EIF4H: variants seen among roughly 807,000 people sequenced by gnomAD.
The protein encoded by EIF4H is Williams-Beuren syndrome chromosome region 1.
A neutral mutation model predicts 30.6 loss-of-function variants in EIF4H; 8 were observed. The ratio of observed to expected loss-of-function variants is 0.26; its 90% CI spans 0.15 to 0.47. The LOEUF is 0.47. Ranked by LOEUF, EIF4H falls within the 20% of genes least tolerant of loss-of-function variation. The probability of loss-of-function intolerance (pLI) is 0.99; values close to 1 mark genes in which losing one functional copy is unlikely to be tolerated. For synonymous variants in EIF4H, 106 were observed against 122.7 expected, an observed-to-expected ratio of 0.86 and a Z score of 0.90; for missense variants, 188 against 339.5, an observed-to-expected ratio of 0.55 and a Z score of 3.51.
rs1554707335 is a variant in EIF4H at position 74,174,432 on chromosome 7, G to A, written c.49G>A (p.Gly17Ser). 9 of 1,444,406 alleles carry A rather than the reference G, an allele frequency of 6.2e-6. No individual in the cohort carries two copies. Among genetic ancestry groups the A allele is most frequent in the Non-Finnish European group, 8.3e-6 (9 of 1,084,152 alleles). 89.5% of individuals were successfully genotyped at this position (1,444,406 alleles called of 1,614,324 possible). Residue 17 changes from glycine (G) to serine (S), a missense_variant, in exon 1 of 7, where the codon GGC becomes AGC. Physicochemically the swap from Gly to Ser is moderately conservative, Grantham distance 56. Coordinates refer to ENST00000265753, the MANE Select transcript of EIF4H (RefSeq NM_022170.2). ...YDDRAYSSFG[G>S]GRGSRGSAGG... The stretch of plus-strand genomic sequence containing the variant: ...CGATCGGGCCTACAGCAGCTTCGGC[G>A]GCGGCAGAGGGTGAGGCGGGCGTGC...
intron 1 of EIF4H, among the ~76,000 whole-genome samples, chr7:74,183,044 G>C (rs544407031): frequency 6.6e-6 from 1 of 152,256 alleles, no homozygotes; most frequent in Admixed American, 6.5e-5. Context: ...GGCAGAAACC[G>C]AGTCTTAGGT....
chr7:74,188,333 G>A (rs1331266506), intron 2 of EIF4H, among the ~76,000 whole-genome samples: 2 of 152,218 alleles, frequency 1.3e-5, no homozygotes, highest in African/African-American at 4.8e-5. Context: ...CGGGAGCAAA[G>A]AGCAGGAAGA....
At chr7:74,184,388 C>T (rs965297700) in intron 1 of EIF4H, among the ~76,000 whole-genome samples, 4 of 152,154 alleles carry the variant, frequency 2.6e-5, no homozygotes, top group Non-Finnish European at 5.9e-5. Flanking sequence ...CATCAAACAC[C>T]CGAGAGTTTA....
At chr7:74,175,435 T>G (rs1800815577) in intron 1 of EIF4H, among the ~76,000 whole-genome samples, 1 of 152,198 alleles carries the variant, frequency 6.6e-6, no homozygotes, top group African/African-American at 2.4e-5. Context: ...TTCAGTCTCC[T>G]GGGTTGCAGT....
At chr7:74,193,303 T>G (rs1169956087) in intron 5 of EIF4H, among the ~76,000 whole-genome samples, 1 of 152,216 alleles carries the variant, frequency 6.6e-6, no homozygotes. Context: ...CATTATCGTT[T>G]TCTGCCTCAG....
intron 5 of EIF4H, among the ~76,000 whole-genome samples, chr7:74,193,119 G>A (rs1465047195): frequency 2.6e-5 from 4 of 152,114 alleles, no homozygotes; most frequent in African/African-American, 7.2e-5. Flanking sequence ...ATCCCACACC[G>A]GTTTTGTCTG....
At chr7:74,184,118 C>T (rs1801028984) in intron 1 of EIF4H, among the ~76,000 whole-genome samples, 1 of 152,158 alleles carries the variant, frequency 6.6e-6, no homozygotes, top group Admixed American at 6.6e-5. Context: ...CTGTTAGGTG[C>T]TGCCATTTGG....
chr7:74,184,030 GT>G, intron 1 of EIF4H: 1 of 152,338 alleles, frequency 6.6e-6, no homozygotes, highest in Non-Finnish European at 1.5e-5. Flanking sequence ...GCCACTGGTG[GT>G]TTTGTGAGGC....
chr7:74,189,701 G>A lies in EIF4H; in HGVS notation c.276G>A (p.Val92=). 1 of 1,614,116 alleles carries A rather than the reference G, an allele frequency of 6.2e-7. No homozygotes were observed. Among genetic ancestry groups the A allele is most frequent in the Non-Finnish European group, 8.5e-7 (1 of 1,180,032 alleles). ...TCTGCTATGTAGAATTCGATGAAGT[G>A]GATTCCCTTAAGGAAGCCTTGACAT... The part of the protein sequence containing the change: ...KGFCYVEFDE[V]DSLKEALTYD... Residue 92 remains valine, a synonymous_variant, in exon 3 of 7, where the codon GTG becomes GTA. Transcript: ENST00000265753.
intron 1 of EIF4H, among the ~76,000 whole-genome samples, chr7:74,180,312 C>G (rs1284267067): frequency 3.3e-5 from 5 of 152,218 alleles, no homozygotes; most frequent in African/African-American, 9.7e-5. Flanking sequence ...GAAAGAACAG[C>G]TAGTTCAGCT....
At chr7:74,183,508 G>A (rs782591502) in intron 1 of EIF4H, among the ~76,000 whole-genome samples, 10 of 152,216 alleles carry the variant, frequency 6.6e-5, no homozygotes, top group Non-Finnish European at 1.5e-4. Context: ...AGGTACAGAG[G>A]TAATTTGGCA....
chr7:74,179,598 C>T (rs868921088), intron 1 of EIF4H, among the ~76,000 whole-genome samples: 2 of 151,464 alleles, frequency 1.3e-5, no homozygotes, highest in Middle Eastern at 3.4e-3. Context: ...CGCCACTGCA[C>T]TCCCGCCTGG....
chr7:74,187,725 A>T lies in EIF4H; in HGVS notation c.174A>T (p.Ile58=). 2 of 1,614,050 alleles carry T rather than the reference A, an allele frequency of 1.2e-6. No individual in the cohort carries two copies. Among genetic ancestry groups the T allele is most frequent in the Non-Finnish European group, 1.7e-6 (2 of 1,179,920 alleles). ...NLPFNTVQGD[I]DAIFKDLSIR... is the part of the protein sequence containing the mutation. ...CTTTCAATACGGTTCAGGGCGACAT[A>T]GATGCTATCTTTAAGGATCTCAGCA... Residue 58 remains isoleucine (I), a synonymous_variant, in exon 2 of 7, where the codon ATA becomes ATT. Transcript: ENST00000265753.
intron 5 of EIF4H, among the ~76,000 whole-genome samples, chr7:74,193,841 A>G (rs1444319577): frequency 6.6e-6 from 1 of 152,018 alleles, no homozygotes; most frequent in African/African-American, 2.4e-5. Flanking sequence ...CTGAACTCCT[A>G]TACTCACCTC....
rs1801306292 is a variant in EIF4H at position 74,194,890 on chromosome 7, T to A, written c.607+12T>A. Reference sequence around the variant, plus strand: ...AGAACCCACAGAAGGTACGGGCTCATGTGTCAGTGGAGGGCATCTTGTCCT... The same window carrying A: ...AGAACCCACAGAAGGTACGGGCTCAAGTGTCAGTGGAGGGCATCTTGTCCT... On this transcript the variant is annotated intron_variant, in intron 6 of 6. Coordinates refer to ENST00000265753, the MANE Select transcript of EIF4H (RefSeq NM_022170.2). 1 of 1,581,140 alleles carries A rather than the reference T, an allele frequency of 6.3e-7. No individual in the cohort carries two copies. The highest frequency in any genetic ancestry group is 1.3e-5 in the African/African-American group (1 of 74,272).
At chr7:74,179,358 G>A (rs150877) in intron 1 of EIF4H, among the ~76,000 whole-genome samples, 89,730 of 152,022 alleles carry the variant, frequency 0.59, 27,562 homozygotes, top group East Asian at 0.8. Flanking sequence ...TTGGCTGGGC[G>A]CGGTGGCTCA....
At chr7:74,190,384 G>T in intron 5 of EIF4H, 78 bp downstream of exon 5, 1 of 1,424,862 alleles carries the variant, frequency 7.0e-7, no homozygotes, top group Non-Finnish European at 9.9e-7. Context: ...CGAGTAGCCC[G>T]CCTGGCCGGA....
intron 6 of EIF4H, 117 bp downstream of exon 6, chr7:74,194,995 A>T (rs1801310601): frequency 6.7e-7 from 1 of 1,502,996 alleles, no homozygotes; most frequent in Non-Finnish European, 8.9e-7. Flanking sequence ...ATAGATCCCC[A>T]CGTTCTCTGG....
chr7:74,175,838 C>T (rs1197952877), intron 1 of EIF4H, among the ~76,000 whole-genome samples: 1 of 151,682 alleles, frequency 6.6e-6, no homozygotes, highest in Non-Finnish European at 1.5e-5. Context: ...AATAAGGTGA[C>T]CTTATTAAAC....
Sources: gnomAD v4.1 joint callset for allele counts (sites outside exome capture counted in the v4.1 genomes callset) on GRCh38, gnomAD v4.1.1 for gene constraint, MANE v1.5 for transcripts, NCBI Gene and HGNC (gene_info 2026-07-23, HGNC 2026-07-21) for gene names.